FXYD3: variants seen among roughly 807,000 people sequenced by gnomAD.
FXYD3 encodes the protein FXYD domain containing ion transport regulator 3, also known as FXYD domain-containing ion transport regulator 3.
FXYD3 carries 13 observed loss-of-function variants against 19.2 expected under a neutral mutation model. That is an observed-to-expected ratio of 0.68 (90% confidence interval 0.44 to 1.08). The LOEUF (loss-of-function observed/expected upper bound fraction) is 1.08, where lower values mean the gene tolerates loss of function less well. FXYD3 is among the 50% of genes least tolerant of loss of function. FXYD3 has a pLI of 0.00. For missense variants in FXYD3, 101 were observed against 109.4 expected (o/e 0.92, Z 0.34); for synonymous variants, 48 against 38.9 (o/e 1.23, Z -0.87).
At chr19:35,119,260 C>T (rs778113035) in intron 2 of FXYD3, 103 bp from the exon 3 acceptor site, 36 of 1,612,202 alleles carry the variant, frequency 2.2e-5, no homozygotes, top group Non-Finnish European at 2.3e-5. Context: ...GGGTGAGCTG[C>T]GCACCCTGCC....
At position 35,123,325 on chromosome 19, in the gene FXYD3, T is replaced by C. The variant is rs1041186800; in HGVS notation, c.247+17T>C. On this transcript the variant is annotated intron_variant, in intron 8 of 8. Transcript: ENST00000604404. ...TCACCCCAGGTAAGATGGGGCAGCA[T>C]GGGGCTCAGGGGAACACGGAAGTGG... 5 of 1,611,556 alleles carry C rather than the reference T, an allele frequency of 3.1e-6. No individual in the cohort carries two copies. In the African/African-American group the frequency reaches 6.7e-5, roughly 22 times the overall value.
chr19:35,122,257 T>G lies in FXYD3; in HGVS notation c.98-508T>G, dbSNP rs150789080. 7.5e-3 allele frequency among the ~76,000 whole-genome samples: 1,137 copies of G among 150,760 alleles called. 12 individuals carry two copies. The highest frequency in any genetic ancestry group is 0.012 in the Non-Finnish European group (824 of 67,622). On this transcript the variant is annotated intron_variant, in intron 5 of 8. Coordinates refer to ENST00000604404, the MANE Select transcript of FXYD3 (RefSeq NM_005971.4). ...GCAACCTCTGCCTCCCGGGTTCAAA[T>G]GATTCTCCAGCCTCAGCCTGCTGAG...
intron 5 of FXYD3, 37 bp downstream of exon 5, chr19:35,121,282 C>CCACAT: frequency 6.2e-7 from 1 of 1,614,192 alleles, no homozygotes; most frequent in Non-Finnish European, 8.5e-7. Flanking sequence ...CCCCACAACC[C>CCACAT]CACATACTGC....
intron 4 of FXYD3, 38 bp downstream of exon 4, chr19:35,121,148 A>G (rs916164891): frequency 6.2e-7 from 1 of 1,613,904 alleles, no homozygotes; most frequent in Non-Finnish European, 8.5e-7. Flanking sequence ...ACACCCCCAA[A>G]TTCTCCCCTG....
chr19:35,116,959 C>A, intron 2 of FXYD3: 1 of 985,246 alleles, frequency 1.0e-6, no homozygotes. Context: ...TTTCTACCCA[C>A]CCCTGAACAT....
chr19:35,116,517 T>C, intron 2 of FXYD3, 158 bp downstream of exon 2: 13 of 985,408 alleles, frequency 1.3e-5, no homozygotes, highest in Non-Finnish European at 1.6e-5. Flanking sequence ...TAAACGGAAG[T>C]CCCTTCCCCT....
intron 3 of FXYD3, 101 bp downstream of exon 3, chr19:35,119,517 G>A: frequency 1.8e-6 from 2 of 1,110,278 alleles, no homozygotes; most frequent in Non-Finnish European, 1.4e-6. Context: ...CCGGGAAGGT[G>A]GTAAATGTTA....
intron 5 of FXYD3, 77 bp downstream of exon 5, chr19:35,121,322 G>C (rs2065039351): frequency 2.5e-6 from 4 of 1,614,134 alleles, no homozygotes; most frequent in Non-Finnish European, 3.4e-6. Context: ...TACAGGGTTG[G>C]GGCCTGACGT....
At chr19:35,123,013 G>A in intron 7 of FXYD3, 59 bp downstream of exon 7, 6 of 1,521,854 alleles carry the variant, frequency 3.9e-6, no homozygotes, top group South Asian at 2.6e-5. Flanking sequence ...CAGGGTGAAA[G>A]GGCTAACTCT....
chr19:35,117,299 T>G, intron 2 of FXYD3: 1 of 1,507,854 alleles, frequency 6.6e-7, no homozygotes, highest in Non-Finnish European at 8.9e-7. Flanking sequence ...CTTGGCTGGA[T>G]GACATCATGG....
At chr19:35,121,425 C>A in intron 5 of FXYD3, 180 bp downstream of exon 5, 1 of 1,526,452 alleles carries the variant, frequency 6.6e-7, no homozygotes, top group South Asian at 1.3e-5. Flanking sequence ...GCAACCTGGC[C>A]TTTGGGAAGG....
In FXYD3 at chr19:35,123,748, G is replaced by T. The variant is rs2065102831; in HGVS notation, c.*291G>T. On this transcript the variant is annotated 3_prime_UTR_variant, in exon 9 of 9. Transcript: ENST00000604404. ...GCCCTGGAGGCTGACACAGAGGCTGGCACTGAGCCTGCTTGTTGGGAAAAG... is the reference window on the plus strand; with the variant it reads ...GCCCTGGAGGCTGACACAGAGGCTGTCACTGAGCCTGCTTGTTGGGAAAAG... 2 of 519,932 alleles carry T rather than the reference G, an allele frequency of 3.8e-6. No individual in the cohort carries two copies. The highest frequency in any genetic ancestry group is 6.9e-6 in the Non-Finnish European group (2 of 289,816). 32.2% of individuals were successfully genotyped at this position (519,932 alleles called of 1,614,324 possible).
chr19:35,119,494 C>G, intron 3 of FXYD3, 78 bp downstream of exon 3: 1 of 1,304,518 alleles, frequency 7.7e-7, no homozygotes, highest in Non-Finnish European at 1.1e-6. Context: ...CTCTCCTGTG[C>G]TTTTCTACCT....
chr19:35,116,319 A>G lies in FXYD3; in HGVS notation c.-55A>G. The G allele has an allele frequency of 1.0e-6, 1 of 985,268 alleles. No homozygotes were observed. The highest frequency in any genetic ancestry group is 1.2e-6 in the Non-Finnish European group (1 of 829,936). The allele number at this position is 985,268 out of a possible 1,614,324, so 61.0% of individuals were successfully genotyped here. A position where few individuals can be genotyped will look rare whatever the true frequency, so the allele number is the denominator to read the frequency against. On this transcript the variant is annotated 5_prime_UTR_variant, in exon 2 of 9. Coordinates refer to ENST00000604404, the MANE Select transcript of FXYD3 (RefSeq NM_005971.4). ...ACGCAGGACTCCGCCTGGCAGCCCGATTTCTCCCGGAACCTCTGCTCAGCC... is the reference window on the plus strand; with the variant it reads ...ACGCAGGACTCCGCCTGGCAGCCCGGTTTCTCCCGGAACCTCTGCTCAGCC...
At chr19:35,121,637 G>A (rs2065046349) in intron 5 of FXYD3, 1 of 863,388 alleles carries the variant, frequency 1.2e-6, no homozygotes, top group Non-Finnish European at 1.6e-6. Context: ...ACCTCTCCAC[G>A]CTCCTCATTC....
chr19:35,118,783 C>G (rs2064963055), intron 2 of FXYD3, among the ~76,000 whole-genome samples: 1 of 152,170 alleles, frequency 6.6e-6, no homozygotes, highest in South Asian at 2.1e-4. Flanking sequence ...CTCCACACAC[C>G]ACCCCACCCC....
At chr19:35,120,090 A>G (rs2451995) in intron 3 of FXYD3, among the ~76,000 whole-genome samples, 112,310 of 151,484 alleles carry the variant, frequency 0.74, 41,985 homozygotes, top group South Asian at 0.82. Flanking sequence ...TAGAAGGCTC[A>G]GCTCAGTGCG....
Position 35,122,848 on chromosome 19 carries a change from A to T in FXYD3, c.172+9A>T. The T allele has an allele frequency of 6.2e-7, 1 of 1,613,898 alleles. No homozygotes were observed. The highest frequency in any genetic ancestry group is 8.5e-7 in the Non-Finnish European group (1 of 1,179,876). ...CATCATCATCGTCATGAGTGAGTGG[A>T]GGAGCTCGGGGGAGCAGGCGGGCCG... On this transcript the variant is annotated intron_variant, in intron 6 of 8. Transcript: ENST00000604404.
intron 3 of FXYD3, 71 bp downstream of exon 3, chr19:35,119,487 T>G: frequency 1.4e-6 from 2 of 1,397,510 alleles, no homozygotes; most frequent in Non-Finnish European, 1.0e-6. Context: ...TCTGTCTCTC[T>G]CCTGTGCTTT....
Sources: allele counts gnomAD v4.1 joint callset (sites outside exome capture counted in the v4.1 genomes callset), GRCh38; gene constraint gnomAD v4.1.1; transcripts MANE v1.5; gene names NCBI Gene and HGNC (gene_info 2026-07-23, HGNC 2026-07-21).